Variants in NBEAL1 observed in about 807,000 individuals in gnomAD.
NBEAL1 encodes neurobeachin-like protein 1.
A neutral mutation model predicts 351.3 loss-of-function variants in NBEAL1; 273 were observed. That is an observed-to-expected ratio of 0.78 (90% CI 0.70 to 0.86). The LOEUF (loss-of-function observed/expected upper bound fraction) is 0.86. Ranked by LOEUF, NBEAL1 falls within the 40% of genes least tolerant of loss-of-function variation. The probability of loss-of-function intolerance (pLI) is 0.00; values close to 1 mark genes in which losing one functional copy is unlikely to be tolerated. For synonymous variants in NBEAL1, 1,050 were observed against 1,086.4 expected, an observed-to-expected ratio of 0.97 and a Z score of 0.66; for missense variants, 2,961 against 3,201.3, an observed-to-expected ratio of 0.92 and a Z score of 1.81.
At chr2:203,073,257 G>A (rs1380036792) in intron 7 of NBEAL1, among the ~76,000 whole-genome samples, 1 of 152,140 alleles carries the variant, frequency 6.6e-6, no homozygotes, top group Non-Finnish European at 1.5e-5. Context: ...GGGCTACTCA[G>A]ATTTTCTATT....
chr2:203,119,790 A>G lies in NBEAL1; in HGVS notation c.2593-2464A>G, dbSNP rs993252518. 2.0e-5 allele frequency among the ~76,000 whole-genome samples: 3 copies of G among 152,112 alleles called. No homozygotes were observed. The East Asian group carries it at 5.8e-4, about 29-fold the overall frequency. ...CATTTTTAAAATTCTGCTATAAAGG[A>G]ACCAGTTTACTTTTGTTTTGTCCTA... On this transcript the variant is annotated intron_variant, in intron 18 of 55. Coordinates refer to ENST00000683969, the MANE Select transcript of NBEAL1 (RefSeq NM_001378026.1).
intron 12 of NBEAL1, among the ~76,000 whole-genome samples, chr2:203,103,265 G>T (rs2062364612): frequency 2.0e-5 from 3 of 151,254 alleles, no homozygotes; most frequent in East Asian, 3.9e-4. Flanking sequence ...TGGAATTGTT[G>T]ATCTTTTGTA....
rs1865315 is a variant in NBEAL1, at chr2:203,202,993, T to C, written c.7506+212T>C. ...CTTATTCCCTATTGCTTTCCAAAGA[T>C]TCTTCCTTCTTACCTTTCCTAGGAA... On this transcript the variant is annotated intron_variant, in intron 51 of 55. Coordinates refer to ENST00000683969, the MANE Select transcript of NBEAL1 (RefSeq NM_001378026.1). 3.5e-3 allele frequency among the ~76,000 whole-genome samples: 537 copies of C among 152,358 alleles called. 1 individual carries two copies. Among genetic ancestry groups the C allele is most frequent in the Non-Finnish European group, 6.2e-3 (422 of 68,034 alleles).
chr2:203,079,518 A>G (rs1012536048), intron 8 of NBEAL1, among the ~76,000 whole-genome samples: 3 of 152,156 alleles, frequency 2.0e-5, no homozygotes, highest in African/African-American at 7.2e-5. Context: ...ATAAATCTCT[A>G]TAATTCCCTC....
chr2:203,209,271 G>A lies in NBEAL1; in HGVS notation c.7734G>A (p.Trp2578Ter). Reference protein sequence around the residue: ...FLTIPNLAISWEGHIVVYSST... With the variant: ...FLTIPNLAIS Reference sequence around the variant, plus strand: ...CCATTCCTAATTTGGCTATATCTTGGGAAGGACATATTGTTGTCTACTCCA... The same window carrying A: ...CCATTCCTAATTTGGCTATATCTTGAGAAGGACATATTGTTGTCTACTCCA... Residue 2578 changes from tryptophan (W) to a stop codon, truncating the protein, a stop_gained, in exon 53 of 56, where the codon TGG (tryptophan) becomes TGA (stop). Coordinates refer to ENST00000683969, the MANE Select transcript of NBEAL1 (RefSeq NM_001378026.1). LOFTEE classifies it high-confidence loss of function. 1 of 1,613,902 alleles carries A rather than the reference G, an allele frequency of 6.2e-7. No homozygotes were observed. Among genetic ancestry groups the A allele is most frequent in the Non-Finnish European group, 8.5e-7 (1 of 1,179,920 alleles).
chr2:203,020,670 CAAAAAAAA>C (rs201438851), intron 2 of NBEAL1, among the ~76,000 whole-genome samples: 2 of 58,992 alleles, frequency 3.4e-5, no homozygotes, highest in Non-Finnish European at 7.0e-5. Flanking sequence ...GACTCTGTCT[CAAAAAAAA>C]AAAAAAAAAG....
At chr2:203,108,707 G>A (rs1270463930) in intron 14 of NBEAL1, among the ~76,000 whole-genome samples, 1 of 151,988 alleles carries the variant, frequency 6.6e-6, no homozygotes, top group African/African-American at 2.4e-5. Context: ...CCAGCCACAA[G>A]TTTCCTTCTT....
rs549335812 is a variant in NBEAL1 at position 203,167,360 on chromosome 2, G to C, written c.5997G>C (p.Glu1999Asp). 1 of 1,607,606 alleles carries C rather than the reference G, an allele frequency of 6.2e-7. No homozygotes were observed. The highest frequency in any genetic ancestry group is 1.1e-5 in the South Asian group (1 of 89,618). The change falls in exon 38 of 56, where the codon GAG becomes GAC. Residue 1999 changes from glutamate to aspartate, a missense_variant and splice_region_variant. Glu to Asp is a conservative substitution (Grantham distance 45). Transcript: ENST00000683969. The stretch of plus-strand genomic sequence containing the variant: ...ACTACTTTCTCAATTTCAAAAAAGA[G>C]GTATGTATTATGGTTTCAGGAAATC... ...QSNYFLNFKK[E>D]VRNKIYSRLL...
chr2:203,035,924 C>A lies in NBEAL1; in HGVS notation c.52-5841C>A, dbSNP rs1028049328. Among the ~76,000 whole-genome samples the A allele has an allele frequency of 2.0e-5, 3 of 148,704 alleles. No individual in the cohort carries two copies. In the East Asian group the frequency reaches 5.8e-4, roughly 29 times the overall value. On this transcript the variant is annotated intron_variant, in intron 2 of 55. Coordinates refer to ENST00000683969, the MANE Select transcript of NBEAL1 (RefSeq NM_001378026.1). ...ATACTATGTGCTAGGCATTCTAAGC[C>A]CTTGATATGGGTTAAATTATTTAAT... is the stretch of plus-strand genomic sequence containing the variant.
At chr2:203,169,944 GCTGTTCTTCCATTCAGACTGAT>G (rs2064267881) in intron 39 of NBEAL1, 93 bp downstream of exon 39, 1 of 775,252 alleles carries the variant, frequency 1.3e-6, no homozygotes, top group East Asian at 2.8e-5. Flanking sequence ...TTTTACAACT[GCTGTTCTTCCATTCAGACTGAT>G]CTTTTGAATT....
intron 31 of NBEAL1, among the ~76,000 whole-genome samples, chr2:203,141,366 ATTTTTT>A (rs71034219): frequency 3.5e-3 from 32 of 9,086 alleles, no homozygotes; most frequent in African/African-American, 5.1e-3. Flanking sequence ...TATTATTATT[ATTTTTT>A]TTTTTTTTTT....
intron 2 of NBEAL1, among the ~76,000 whole-genome samples, chr2:203,018,939 G>A (rs980763679): frequency 3.9e-5 from 6 of 151,906 alleles, no homozygotes; most frequent in African/African-American, 1.2e-4. Flanking sequence ...CTTAATATTC[G>A]TATTTTCCCA....
At position 203,127,819 on chromosome 2, in the gene NBEAL1, T is replaced by G. The variant is rs1360949859; in HGVS notation, c.3287T>G (p.Ile1096Ser). The change falls in exon 24 of 56, where the codon ATT (isoleucine) becomes AGT (serine). Residue 1096 changes from isoleucine to serine, a missense_variant. Transcript: ENST00000683969. ...TATAATGAACTATCTCTAGATGATA[T>G]TCGAACAATAAGGACTTCTTTGTAT... The part of the protein sequence containing the change: ...CKYNELSLDD[I>S]RTIRTSLYGL... The G allele has an allele frequency of 3.3e-6, 5 of 1,524,972 alleles. No individual in the cohort carries two copies. Among genetic ancestry groups the G allele is most frequent in the African/African-American group, 1.4e-5 (1 of 72,794 alleles). The allele number at this position is 1,524,972 out of a possible 1,614,324, so 94.5% of individuals were successfully genotyped here.
chr2:203,167,394 C>G (rs749746966), intron 38 of NBEAL1, 34 bp downstream of exon 38: 2 of 1,556,676 alleles, frequency 1.3e-6, no homozygotes, highest in Admixed American at 2.0e-5. Context: ...TCCCAAAATG[C>G]TAGCTTTAAA....
At chr2:203,106,645 T>TTA (rs1444144924) in intron 12 of NBEAL1, among the ~76,000 whole-genome samples, 2 of 152,158 alleles carry the variant, frequency 1.3e-5, no homozygotes, top group Non-Finnish European at 2.9e-5. Flanking sequence ...ATTCAAAAGA[T>TTA]TATATAACAA....
At chr2:203,064,925 A>T (rs1333797247) in intron 6 of NBEAL1, among the ~76,000 whole-genome samples, 2 of 152,212 alleles carry the variant, frequency 1.3e-5, no homozygotes, top group Non-Finnish European at 2.9e-5. Flanking sequence ...TATTCACTAA[A>T]ATATTAAGAG....
At chr2:203,187,846 T>C (rs1260264239) in intron 44 of NBEAL1, among the ~76,000 whole-genome samples, 5 of 152,234 alleles carry the variant, frequency 3.3e-5, no homozygotes, top group Admixed American at 6.5e-5. Context: ...TAAAATGTAC[T>C]GTTTGGAAGT....
chr2:203,223,178 T>C lies in NBEAL1; in HGVS notation c.*5824T>C, dbSNP rs1269447969. 1.3e-5 allele frequency among the ~76,000 whole-genome samples: 2 copies of C among 152,192 alleles called. No homozygotes were observed. Among genetic ancestry groups the C allele is most frequent in the African/African-American group, 4.8e-5 (2 of 41,462 alleles). ...TTTGGACCTGTAAAGCCAGTGGCTT[T>C]AGTGATAAGTAAAAGGGCACATTCA... On this transcript the variant is annotated 3_prime_UTR_variant, in exon 56 of 56. Transcript: ENST00000683969.
chr2:203,067,882 C>T (rs1383809064), intron 6 of NBEAL1, among the ~76,000 whole-genome samples: 1 of 152,184 alleles, frequency 6.6e-6, no homozygotes, highest in African/African-American at 2.4e-5. Context: ...GAAAACATAA[C>T]ATCCATCAGA....
Sources: allele counts gnomAD v4.1 joint callset (sites outside exome capture counted in the v4.1 genomes callset), GRCh38; gene constraint gnomAD v4.1.1; transcripts MANE v1.5; gene names NCBI Gene and HGNC (gene_info 2026-07-23, HGNC 2026-07-21).